Variants in ARHGAP22 observed in about 807,000 individuals in gnomAD.
The protein encoded by ARHGAP22 is rho GTPase-activating protein 22.
ARHGAP22 carries 48 observed loss-of-function variants against 59.1 expected under a neutral mutation model. The observed-to-expected ratio is 0.81, with a 90% confidence interval of 0.64 to 1.03. ARHGAP22 has a LOEUF of 1.03. Among genes scored for constraint, ARHGAP22 ranks in the 50% least tolerant of loss-of-function variants. ARHGAP22 has a pLI of 0.00. For missense variants in ARHGAP22, 1,015 were observed against 958.7 expected, an observed-to-expected ratio of 1.06 and a Z score of -0.78; for synonymous variants, 445 against 416.4, an observed-to-expected ratio of 1.07 and a Z score of -0.84.
intron 8 of ARHGAP22, chr10:48,451,447 C>T (rs1331488025): frequency 1.1e-5 from 8 of 702,722 alleles, no homozygotes; most frequent in African/African-American, 8.7e-5. Context: ...CAAGGCTGCA[C>T]GGTGAGCAGG....
intron 5 of ARHGAP22, 41 bp downstream of exon 5, chr10:48,459,643 A>C: frequency 6.2e-7 from 1 of 1,605,166 alleles, no homozygotes; most frequent in Non-Finnish European, 8.5e-7. Flanking sequence ...TGCAGGAGGA[A>C]TGGACAAATG....
At chr10:48,505,200 G>C (rs1219300455) in intron 3 of ARHGAP22, among the ~76,000 whole-genome samples, 1 of 152,122 alleles carries the variant, frequency 6.6e-6, no homozygotes, top group Non-Finnish European at 1.5e-5. Context: ...ATTACAGGTG[G>C]CTGTCACCAC....
intron 1 of ARHGAP22, among the ~76,000 whole-genome samples, chr10:48,618,322 G>A (rs2061160268): frequency 6.6e-6 from 1 of 151,910 alleles, no homozygotes; most frequent in African/African-American, 2.4e-5. Flanking sequence ...CAAGAGGAGG[G>A]AATTCTCCCA....
chr10:48,578,577 G>A (rs933369675), intron 2 of ARHGAP22, among the ~76,000 whole-genome samples: 1 of 150,634 alleles, frequency 6.6e-6, no homozygotes, highest in Non-Finnish European at 1.5e-5. Context: ...TTTGATCTTC[G>A]CTCTCTCATG....
intron 5 of ARHGAP22, among the ~76,000 whole-genome samples, chr10:48,456,666 C>A (rs1393030668): frequency 1.3e-5 from 2 of 152,120 alleles, no homozygotes; most frequent in African/African-American, 4.8e-5. Flanking sequence ...GGGATGGGAG[C>A]ATTTCTGCCC....
At chr10:48,460,056 C>T (rs1564692391) in intron 4 of ARHGAP22, among the ~76,000 whole-genome samples, 165 bp from the exon 5 acceptor site, 1 of 152,138 alleles carries the variant, frequency 6.6e-6, no homozygotes, top group Middle Eastern at 3.2e-3. Context: ...CCTGGCCGCC[C>T]GGACACATGC....
At chr10:48,594,075 G>A (rs891628555) in intron 1 of ARHGAP22, among the ~76,000 whole-genome samples, 4 of 152,196 alleles carry the variant, frequency 2.6e-5, no homozygotes, top group African/African-American at 9.7e-5. Flanking sequence ...GCAATTAAAG[G>A]ATCATTATTT....
intron 1 of ARHGAP22, chr10:48,652,085 G>C (rs2377612): frequency 0.53 from 362,870 of 684,280 alleles, 98,514 homozygotes; most frequent in Admixed American, 0.61. Flanking sequence ...CCATTTCCAG[G>C]AGCTGAAGGA....
intron 3 of ARHGAP22, among the ~76,000 whole-genome samples, chr10:48,534,963 A>G (rs1838573): frequency 0.27 from 41,650 of 152,116 alleles, 6,001 homozygotes; most frequent in African/African-American, 0.33. Context: ...CATGCTATAG[A>G]ACATGAGACC....
chr10:48,432,585 A>G, the ARHGAP22 span, among the ~76,000 whole-genome samples: 3 of 152,158 alleles, frequency 2.0e-5, no homozygotes, highest in African/African-American at 7.2e-5. Flanking sequence ...TAGTAGTAAC[A>G]ATTGTTCATG....
chr10:48,564,897 C>A (rs1267176083), intron 2 of ARHGAP22, among the ~76,000 whole-genome samples: 1 of 152,234 alleles, frequency 6.6e-6, no homozygotes, highest in African/African-American at 2.4e-5. Context: ...TGCCATAGCT[C>A]ATTTTGCAAA....
chr10:48,545,412 G>A (rs2056344725), intron 3 of ARHGAP22, among the ~76,000 whole-genome samples: 1 of 152,222 alleles, frequency 6.6e-6, no homozygotes, highest in Admixed American at 6.5e-5. Context: ...TGCAAAGCCA[G>A]GAAGTGTAAG....
chr10:48,646,646 A>G lies in ARHGAP22; in HGVS notation c.52+5588T>C, dbSNP rs1264186252. Among the ~76,000 whole-genome samples, 7 of 152,178 alleles carry G rather than the reference A, an allele frequency of 4.6e-5. No individual in the cohort carries two copies. In the East Asian group the frequency reaches 5.8e-4, roughly 13 times the overall value. ...ATCCATAAGCGAAACAGCAGCAGCAACAACAACAACAACAACAAAAACCCT... is the reference window on the plus strand; with the variant it reads ...ATCCATAAGCGAAACAGCAGCAGCAGCAACAACAACAACAACAAAAACCCT... On this transcript the variant is annotated intron_variant, in intron 1 of 9. Coordinates refer to the ARHGAP22 transcript ENST00000435790.
intron 8 of ARHGAP22, 107 bp from the exon 9 acceptor site, chr10:48,451,247 C>G (rs2045917170): frequency 6.9e-7 from 1 of 1,452,670 alleles, no homozygotes; most frequent in Non-Finnish European, 9.4e-7. Context: ...GCCCTGTCCC[C>G]AGAGCCAGGC....
intron 3 of ARHGAP22, among the ~76,000 whole-genome samples, chr10:48,497,982 T>G (rs1252387982): frequency 6.6e-6 from 1 of 152,082 alleles, no homozygotes; most frequent in Non-Finnish European, 1.5e-5. Flanking sequence ...AAACTTCAGG[T>G]GTCCATGGTT....
intron 1 of ARHGAP22, among the ~76,000 whole-genome samples, chr10:48,585,307 T>C (rs539550509): frequency 6.6e-6 from 1 of 152,332 alleles, no homozygotes; most frequent in South Asian, 2.1e-4. Flanking sequence ...TTTTTTTGTT[T>C]GATCACCAAT....
At chr10:48,454,203 G>A (rs1160979141) in intron 6 of ARHGAP22, 42 bp from the exon 7 acceptor site, 1 of 1,525,988 alleles carries the variant, frequency 6.6e-7, no homozygotes, top group African/African-American at 1.4e-5. Flanking sequence ...GGCAATGAGG[G>A]CCCTGACTGT....
Position 48,582,899 on chromosome 10 carries a change from C to G in ARHGAP22, c.234+54G>C, listed in dbSNP as rs1045736281. The stretch of plus-strand genomic sequence containing the variant: ...TCCCTTCTCCTGGGCATGGTCTTCC[C>G]TCTTGTGGAGCCCTGCCACGATGCC... On this transcript the variant is annotated intron_variant, in intron 2 of 9. Coordinates refer to ENST00000249601, the MANE Select transcript of ARHGAP22 (RefSeq NM_021226.4). 19 of 1,594,398 alleles carry G rather than the reference C, an allele frequency of 1.2e-5. No homozygotes were observed. The African/African-American group carries it at 2.4e-4, about 20-fold the overall frequency.
chr10:48,606,227 C>G (rs1489974568), upstream of ARHGAP22, among the ~76,000 whole-genome samples: 1 of 152,146 alleles, frequency 6.6e-6, no homozygotes, highest in Non-Finnish European at 1.5e-5. Flanking sequence ...CCCAAGTGTC[C>G]TATTGGTATG....
Sources: gnomAD v4.1 joint callset for allele counts (sites outside exome capture counted in the v4.1 genomes callset) on GRCh38, gnomAD v4.1.1 for gene constraint, MANE v1.5 for transcripts, NCBI Gene and HGNC (gene_info 2026-07-23, HGNC 2026-07-21) for gene names.